The following COL5A3 variants were observed in gnomAD, a reference collection of about 807,000 sequenced individuals.
COL5A3 encodes collagen type V alpha 3 chain, also known as collagen alpha-3(V) chain.
A neutral mutation model predicts 250.0 loss-of-function variants in COL5A3; 172 were observed. The observed-to-expected ratio is 0.69, with a 90% CI of 0.61 to 0.78. The LOEUF is 0.78. Ranked by LOEUF, COL5A3 falls within the 30% of genes least tolerant of loss-of-function variation. COL5A3 has a pLI of 0.00. For synonymous variants in COL5A3, 937 were observed against 900.4 expected, an observed-to-expected ratio of 1.04 and a Z score of -0.73; for missense variants, 2,340 against 2,334.4, an observed-to-expected ratio of 1.00 and a Z score of -0.05.
At chr19:10,003,333 A>T (rs1187990923) in intron 6 of COL5A3, among the ~76,000 whole-genome samples, 1 of 152,108 alleles carries the variant, frequency 6.6e-6, no homozygotes, top group African/African-American at 2.4e-5. Flanking sequence ...GATGGGAGAG[A>T]TCATAAGATG....
intron 12 of COL5A3, 47 bp from the exon 13 acceptor site, chr19:9,996,563 C>T (rs1437904710): frequency 6.2e-7 from 1 of 1,613,562 alleles, no homozygotes; most frequent in Admixed American, 1.7e-5. Flanking sequence ...GAGGCCCCCT[C>T]CTGGATCAGG....
chr19:10,001,903 C>T lies in COL5A3; in HGVS notation c.850-22G>A, dbSNP rs754670449. 6.4e-6 allele frequency: 10 copies of T among 1,573,546 alleles called. No homozygotes were observed. In the South Asian group the frequency reaches 1.1e-4, roughly 18 times the overall value. On this transcript the variant is annotated intron_variant, in intron 6 of 66. Transcript: ENST00000264828. Reference sequence around the variant, plus strand: ...AGGTCTGGAGCAGGGATGGAGGGAGCCTTGGGTCTCGGGTGAGGGCAATCA... The same window carrying T: ...AGGTCTGGAGCAGGGATGGAGGGAGTCTTGGGTCTCGGGTGAGGGCAATCA...
rs144500076 is a variant in COL5A3 at position 9,996,502 on chromosome 19, G to T, written c.1353C>A (p.Gly451=). 10 of 1,614,110 alleles carry T rather than the reference G, an allele frequency of 6.2e-6. No individual in the cohort carries two copies. The highest frequency in any genetic ancestry group is 1.1e-5 in the South Asian group (1 of 91,082). The change falls in exon 13 of 67, where the codon GGC becomes GGA. Residue 451 remains glycine, a synonymous_variant. Transcript: ENST00000264828. ...AGACTGGGGGGCCTTTAAAGGAGCC[G>T]CCTGCAAACTGGAACTGGGAGGAAT... is the stretch of plus-strand genomic sequence containing the variant. ...TVIMMPFQFA[G]GSFKGPPVSF... is the part of the protein sequence containing the mutation.
rs1287402938 is a variant in COL5A3 at position 9,985,830 on chromosome 19, C to G, written c.2406+12G>C. The G allele has an allele frequency of 1.2e-6, 2 of 1,611,900 alleles. No individual in the cohort carries two copies. The highest frequency in any genetic ancestry group is 2.7e-5 in the African/African-American group (2 of 74,854). Reference sequence around the variant, plus strand: ...CCATATCCATCTCCACCCCCCACCCCCAGCTTCCTACCTTAGGTCCAGGGC... The same window carrying G: ...CCATATCCATCTCCACCCCCCACCCGCAGCTTCCTACCTTAGGTCCAGGGC... On this transcript the variant is annotated intron_variant, in intron 31 of 66. Coordinates refer to ENST00000264828, the MANE Select transcript of COL5A3 (RefSeq NM_015719.4).
intron 44 of COL5A3, 56 bp downstream of exon 44, chr19:9,977,173 C>A: frequency 6.5e-7 from 1 of 1,541,456 alleles, no homozygotes; most frequent in South Asian, 1.1e-5. Flanking sequence ...ACATCCCTGG[C>A]CTCCTCTTTC....
chr19:9,981,659 C>T (rs2087011330), intron 32 of COL5A3, among the ~76,000 whole-genome samples: 3 of 152,074 alleles, frequency 2.0e-5, no homozygotes, highest in Admixed American at 6.5e-5. Flanking sequence ...GCATGTATAC[C>T]CATCACTCAG....
Position 9,985,876 on chromosome 19 carries a change from C to G in COL5A3, c.2372G>C (p.Gly791Ala). 2 of 1,613,998 alleles carry G rather than the reference C, an allele frequency of 1.2e-6. No homozygotes were observed. The highest frequency in any genetic ancestry group is 1.7e-6 in the Non-Finnish European group (2 of 1,179,944). ...AGGGCGTCCTGGATAACCTGGGAGGCCTGGCACCCCAAGCTTGCCCTGCAG... is the reference window on the plus strand; with the variant it reads ...AGGGCGTCCTGGATAACCTGGGAGGGCTGGCACCCCAAGCTTGCCCTGCAG... ...AGEKGKLGVP[G>A]LPGYPGRPGP... is the part of the protein sequence containing the mutation. The change falls in exon 31 of 67, where the codon GGC (glycine) becomes GCC (alanine). Residue 791 changes from glycine to alanine, a missense_variant. Around this residue, in one of 3 missense-constraint regions of COL5A3, gnomAD observed 1,152 missense variants for 1,146.3 expected, o/e 1.00. Coordinates refer to ENST00000264828, the MANE Select transcript of COL5A3 (RefSeq NM_015719.4).
Position 10,010,405 on chromosome 19 carries a change from A to G in COL5A3, c.-20T>C. 1 of 1,399,148 alleles carries G rather than the reference A, an allele frequency of 7.1e-7. No homozygotes were observed. Among genetic ancestry groups the G allele is most frequent in the Non-Finnish European group, 9.3e-7 (1 of 1,070,528 alleles). 86.7% of individuals were successfully genotyped at this position (1,399,148 alleles called of 1,614,324 possible). ...CCCCATCCCGGCGGGGCCCACGGGC[A>G]AGGCGGGGAACCAGTCGGGGCGGCT... On this transcript the variant is annotated 5_prime_UTR_variant, in exon 1 of 67. Transcript: ENST00000264828.
intron 7 of COL5A3, 48 bp from the exon 8 acceptor site, chr19:10,001,718 C>A: frequency 6.2e-7 from 1 of 1,612,910 alleles, no homozygotes; most frequent in South Asian, 1.1e-5. Flanking sequence ...TCCTTATTTT[C>A]TGCCACCCCC....
chr19:9,991,635 C>G lies in COL5A3; in HGVS notation c.1967G>C (p.Gly656Ala). The G allele has an allele frequency of 1.2e-6, 2 of 1,607,696 alleles. No individual in the cohort carries two copies. Among genetic ancestry groups the G allele is most frequent in the Non-Finnish European group, 1.7e-6 (2 of 1,176,854 alleles). ...CTTCTCCCCAGGAGTGCCAATGAGT[C>G]CCTGGGGACCGGGGAGTCCCTGGAG... ...HGSQGLPGPQGLIGTPGEKGP... is the reference protein window; with the variant it reads ...HGSQGLPGPQALIGTPGEKGP... Residue 656 changes from glycine (G) to alanine (A), a missense_variant, in exon 24 of 67, where the codon GGA (glycine) becomes GCA (alanine). By Grantham distance (60) the Gly-to-Ala change is moderately conservative (BLOSUM62 0). Around this residue, in one of 3 missense-constraint regions of COL5A3, gnomAD observed 1,152 missense variants for 1,146.3 expected, o/e 1.00. Transcript: ENST00000264828.
chr19:9,980,663 C>T lies in COL5A3; in HGVS notation c.2589G>A (p.Gly863=). ...KGDVGQDGAP[G]IPGEKGLPGL... is the part of the protein sequence containing the mutation. ...ACACACTCACCTTTTCTCCAGGGATCCCAGGGGCTCCATCCTGGCCCACAT... is the reference window on the plus strand; with the variant it reads ...ACACACTCACCTTTTCTCCAGGGATTCCAGGGGCTCCATCCTGGCCCACAT... The change falls in exon 35 of 67, where the codon GGG becomes GGA. Residue 863 remains glycine (G), a synonymous_variant. Transcript: ENST00000264828. The T allele has an allele frequency of 6.2e-7, 1 of 1,613,990 alleles. No individual in the cohort carries two copies. The highest frequency in any genetic ancestry group is 8.5e-7 in the Non-Finnish European group (1 of 1,179,982).
intron 50 of COL5A3, among the ~76,000 whole-genome samples, 178 bp from the exon 51 acceptor site, chr19:9,973,204 T>G (rs1228377377): frequency 6.6e-6 from 1 of 152,042 alleles, no homozygotes; most frequent in Non-Finnish European, 1.5e-5. Context: ...CAGTGAAAGG[T>G]CTGGATGGTC....
intron 61 of COL5A3, 182 bp downstream of exon 61, chr19:9,967,722 T>C (rs2086774466): frequency 1.6e-6 from 1 of 618,584 alleles, no homozygotes; most frequent in Non-Finnish European, 2.7e-6. Context: ...TAATGGTACA[T>C]CTTATAATTG....
chr19:9,993,741 C>CA lies in COL5A3; in HGVS notation c.1641+11_1641+12insT. On this transcript the variant is annotated intron_variant, in intron 17 of 66. Coordinates refer to ENST00000264828, the MANE Select transcript of COL5A3 (RefSeq NM_015719.4). ...GCTCCCACCAAGTCTTATCTCAGCCCCCATCACCTACCTTAGGTCCAGTGT... is the reference window on the plus strand; with the variant it reads ...GCTCCCACCAAGTCTTATCTCAGCCCACCATCACCTACCTTAGGTCCAGTGT... 6.2e-7 allele frequency: 1 copy of CA among 1,614,100 alleles called. No individual in the cohort carries two copies. The highest frequency in any genetic ancestry group is 8.5e-7 in the Non-Finnish European group (1 of 1,179,986).
intron 6 of COL5A3, among the ~76,000 whole-genome samples, chr19:10,002,280 G>T (rs911582297): frequency 6.6e-6 from 1 of 151,568 alleles, no homozygotes; most frequent in Non-Finnish European, 1.5e-5. Context: ...GGTGGGGGTT[G>T]GGGGGGTGTG....
At chr19:9,993,103 T>C (rs1332978258) in intron 19 of COL5A3, 36 bp from the exon 20 acceptor site, 53 of 1,610,128 alleles carry the variant, frequency 3.3e-5, no homozygotes, top group Non-Finnish European at 4.5e-5. Flanking sequence ...AACAGGAAGG[T>C]ACAACCCTCG....
chr19:9,983,602 GAA>G lies in COL5A3; in HGVS notation c.2407-1486_2407-1485del, dbSNP rs1277966214. Among the ~76,000 whole-genome samples the G allele has an allele frequency of 6.8e-3, 668 of 97,978 alleles. 19 individuals are homozygous for G. Among genetic ancestry groups the G allele is most frequent in the African/African-American group, 0.023 (624 of 26,750 alleles). 64.3% of individuals were successfully genotyped at this position (97,978 alleles called of 152,430 possible). A position where few individuals can be genotyped will look rare whatever the true frequency, so the allele number is the denominator to read the frequency against. On this transcript the variant is annotated intron_variant, in intron 31 of 66. Transcript: ENST00000264828. ...AAAGAAAGAAAGAAAGAAAGAAAGAGAAAGAGAGAGAGAGAGAAAGAAAGAAA... is the reference window on the plus strand; with the variant it reads ...AAAGAAAGAAAGAAAGAAAGAAAGAGAGAGAGAGAGAGAGAAAGAAAGAAA...
rs1207132208 is a variant in COL5A3 at position 9,992,942 on chromosome 19, G to A, written c.1795-62C>T. On this transcript the variant is annotated intron_variant, in intron 20 of 66. Transcript: ENST00000264828. ...CTGTGTGGCCATGTGAGCTCTAGGGGTCCTATGAGTCCTGGGGCCCTGGGA... is the reference window on the plus strand; with the variant it reads ...CTGTGTGGCCATGTGAGCTCTAGGGATCCTATGAGTCCTGGGGCCCTGGGA... 8 of 1,605,164 alleles carry A rather than the reference G, an allele frequency of 5.0e-6. No homozygotes were observed. The Admixed American group carries it at 5.1e-5, about 10-fold the overall frequency.
intron 35 of COL5A3, 137 bp from the exon 36 acceptor site, chr19:9,980,184 A>C: frequency 2.4e-6 from 2 of 840,360 alleles, no homozygotes; most frequent in Non-Finnish European, 1.8e-6. Flanking sequence ...ATTCTCCACA[A>C]GTCAGTCATT....
Sources: gnomAD v4.1 joint callset for allele counts (sites outside exome capture counted in the v4.1 genomes callset) on GRCh38, gnomAD v4.1.1 for gene constraint, gnomAD v4.1.1 regional missense constraint, MANE v1.5 for transcripts, NCBI Gene and HGNC (gene_info 2026-07-23, HGNC 2026-07-21) for gene names.